Variants in MGAT4C observed in about 807,000 individuals in gnomAD.
MGAT4C encodes alpha-1,3-mannosyl-glycoprotein 4-beta-N-acetylglucosaminyltransferase C.
MGAT4C carries 19 observed loss-of-function variants against 40.1 expected under a neutral mutation model. The observed-to-expected ratio is 0.47, with a 90% confidence interval of 0.33 to 0.70. The LOEUF is 0.70. MGAT4C is among the 30% of genes least tolerant of loss of function. MGAT4C has a pLI of 0.02. For missense variants in MGAT4C, 491 were observed against 563.2 expected, an observed-to-expected ratio of 0.87 and a Z score of 1.30; for synonymous variants, 181 against 187.1, an observed-to-expected ratio of 0.97 and a Z score of 0.27.
At chr12:86,250,840 T>C (rs1952243656) in intron 1 of MGAT4C, among the ~76,000 whole-genome samples, 1 of 152,096 alleles carries the variant, frequency 6.6e-6, no homozygotes, top group South Asian at 2.1e-4. Flanking sequence ...AAATCTACAA[T>C]CAGCATCTAG....
rs1297811767 is a variant in MGAT4C, at chr12:85,956,821, C to G, written c.*22468G>C. On this transcript the variant is annotated 3_prime_UTR_variant, in exon 5 of 5. Coordinates refer to ENST00000611864, the MANE Select transcript of MGAT4C (RefSeq NM_001351288.2). ...GAGATTGAAGGTGACTCTGAATCAA[C>G]AGAATTTTATTTTTCTTTTACCGTG... 1 of 152,132 alleles carries G rather than the reference C, an allele frequency of 6.6e-6. No individual in the cohort carries two copies. The highest frequency in any genetic ancestry group is 1.5e-5 in the Non-Finnish European group (1 of 68,020). The allele number at this position is 152,132 out of a possible 1,614,324, so 9.4% of individuals were successfully genotyped here.
chr12:86,006,558 C>G (rs1887897816), intron 2 of MGAT4C, among the ~76,000 whole-genome samples: 1 of 152,298 alleles, frequency 6.6e-6, no homozygotes, highest in East Asian at 1.9e-4. Flanking sequence ...CTCTCCTTGA[C>G]TAAACTTTAA....
intron 1 of MGAT4C, among the ~76,000 whole-genome samples, chr12:86,731,612 G>A (rs181477326): frequency 8.4e-4 from 128 of 151,648 alleles, no homozygotes; most frequent in African/African-American, 2.9e-3. Flanking sequence ...ATATTAGGAG[G>A]CTCCAGCTTG....
At chr12:86,107,354 GTA>G (rs1306072336) in intron 1 of MGAT4C, among the ~76,000 whole-genome samples, 2 of 151,984 alleles carry the variant, frequency 1.3e-5, no homozygotes, top group African/African-American at 4.8e-5. Flanking sequence ...GAAAATCATT[GTA>G]TGTGTGTGTG....
chr12:86,587,512 T>A (rs1318637753), intron 2 of MGAT4C, among the ~76,000 whole-genome samples: 1 of 152,006 alleles, frequency 6.6e-6, no homozygotes, highest in African/African-American at 2.4e-5. Flanking sequence ...TTGATGGGGA[T>A]GGCATTGAAT....
chr12:86,248,194 TCTTC>T (rs71076174), intron 1 of MGAT4C, among the ~76,000 whole-genome samples: 42,215 of 140,132 alleles, frequency 0.3, 6,467 homozygotes, highest in Non-Finnish European at 0.35. Context: ...ACCTAGTTTC[TCTTC>T]CTTCCTTCCT....
chr12:86,300,644 T>A (rs989769399), intron 4 of MGAT4C, among the ~76,000 whole-genome samples: 10 of 152,182 alleles, frequency 6.6e-5, no homozygotes, highest in African/African-American at 1.9e-4. Context: ...AGTAAACATT[T>A]TGTTGTTAAA....
chr12:86,469,614 G>A (rs564397529), intron 2 of MGAT4C, among the ~76,000 whole-genome samples: 1 of 151,264 alleles, frequency 6.6e-6, no homozygotes. Context: ...AGTAATTGCG[G>A]TTTTTTTTTC....
chr12:86,670,517 CA>C (rs1310392442), intron 2 of MGAT4C, among the ~76,000 whole-genome samples: 1 of 151,614 alleles, frequency 6.6e-6, no homozygotes, highest in African/African-American at 2.4e-5. Context: ...TCAAACTAGT[CA>C]GACAAAAATA....
intron 2 of MGAT4C, among the ~76,000 whole-genome samples, chr12:86,034,574 T>TG (rs545339590): frequency 6.7e-6 from 1 of 148,672 alleles, no homozygotes. Flanking sequence ...TTGTTGTTGT[T>TG]TTTTTTAAAT....
chr12:86,473,268 T>G (rs1416443978), intron 2 of MGAT4C, among the ~76,000 whole-genome samples: 4 of 152,126 alleles, frequency 2.6e-5, no homozygotes, highest in Admixed American at 6.6e-5. Context: ...GATTTCTTTT[T>G]TGTGTGTGTG....
intron 1 of MGAT4C, among the ~76,000 whole-genome samples, chr12:86,055,369 T>C (rs1893283105): frequency 6.6e-6 from 1 of 151,998 alleles, no homozygotes; most frequent in Admixed American, 6.6e-5. Flanking sequence ...AAATGTGAAA[T>C]ATTAAGTGAC....
At chr12:86,675,324 C>T (rs574682005) in intron 2 of MGAT4C, among the ~76,000 whole-genome samples, 1 of 152,276 alleles carries the variant, frequency 6.6e-6, no homozygotes, top group South Asian at 2.1e-4. Context: ...GGAATTGACT[C>T]TTATCGTGAT....
chr12:86,180,605 C>T lies in MGAT4C; in HGVS notation c.-57+75634G>A, dbSNP rs530995617. Among the ~76,000 whole-genome samples, 5 of 152,330 alleles carry T rather than the reference C, an allele frequency of 3.3e-5. No homozygotes were observed. In the South Asian group the frequency reaches 1.0e-3, roughly 32 times the overall value. On this transcript the variant is annotated intron_variant, in intron 1 of 4. Coordinates refer to ENST00000611864, the MANE Select transcript of MGAT4C (RefSeq NM_001351288.2). The stretch of plus-strand genomic sequence containing the variant: ...CATCAGCATGACCTGGATGTGAGAC[C>T]TGGAGTCAAAGGAGATCATTTTGGA...
At chr12:86,275,438 T>C (rs7312237) in intron 4 of MGAT4C, among the ~76,000 whole-genome samples, 100,940 of 152,114 alleles carry the variant, frequency 0.66, 33,987 homozygotes, top group South Asian at 0.77. Context: ...ATCAGTACAA[T>C]GCCCAGCTGT....
intron 3 of MGAT4C, among the ~76,000 whole-genome samples, chr12:86,409,130 C>T (rs1218296974): frequency 1.3e-5 from 2 of 152,104 alleles, no homozygotes; most frequent in Non-Finnish European, 2.9e-5. Context: ...TTCAACAGTA[C>T]TCATTCTATT....
At chr12:86,330,277 A>G (rs1343560492) in intron 4 of MGAT4C, among the ~76,000 whole-genome samples, 2 of 152,162 alleles carry the variant, frequency 1.3e-5, no homozygotes, top group African/African-American at 4.8e-5. Flanking sequence ...AGTACGTATC[A>G]TTTTTATCAA....
At chr12:86,756,110 G>T (rs1434219790) in intron 1 of MGAT4C, among the ~76,000 whole-genome samples, 1 of 152,068 alleles carries the variant, frequency 6.6e-6, no homozygotes, top group African/African-American at 2.4e-5. Flanking sequence ...AGGCTGGGCA[G>T]TTTAAACACA....
Position 86,199,443 on chromosome 12 carries a change from AT to A in MGAT4C, c.-57+56795del, listed in dbSNP as rs983119063. On this transcript the variant is annotated intron_variant, in intron 1 of 4. Coordinates refer to ENST00000611864, the MANE Select transcript of MGAT4C (RefSeq NM_001351288.2). ...CTGATTTCAGTGCTCAGTCCATTGT[AT>A]TTTTTTAAGTTTTAAAAAAATTCCA... is the stretch of plus-strand genomic sequence containing the variant. 9.7e-4 allele frequency among the ~76,000 whole-genome samples: 148 copies of A among 152,064 alleles called. 2 individuals carry two copies. The highest frequency in any genetic ancestry group is 2.9e-3 in the African/African-American group (121 of 41,416).
Sources: allele counts gnomAD v4.1 joint callset (sites outside exome capture counted in the v4.1 genomes callset), GRCh38; gene constraint gnomAD v4.1.1; transcripts MANE v1.5; gene names NCBI Gene and HGNC (gene_info 2026-07-23, HGNC 2026-07-21).